DNAJC1: variants seen among roughly 807,000 people sequenced by gnomAD.
DNAJC1 encodes the protein DnaJ heat shock protein family (Hsp40) member C1.
Under a neutral mutation model 76.6 loss-of-function variants are expected in DNAJC1, and 58 were observed. That is an observed-to-expected ratio of 0.76 (90% CI 0.61 to 0.94). DNAJC1 has a LOEUF of 0.94. DNAJC1 is among the 40% of genes least tolerant of loss of function. The pLI is 0.00. For synonymous variants in DNAJC1, 258 were observed against 267.9 expected (o/e 0.96, Z 0.36); for missense variants, 689 against 677.3 (o/e 1.02, Z -0.19).
At chr10:21,903,914 A>C (rs913286309) in intron 7 of DNAJC1, among the ~76,000 whole-genome samples, 2 of 152,240 alleles carry the variant, frequency 1.3e-5, no homozygotes, top group Non-Finnish European at 1.5e-5. Context: ...GACACAGTAT[A>C]TATGTGTGGG....
chr10:21,874,236 T>C (rs1836148685), intron 8 of DNAJC1, among the ~76,000 whole-genome samples: 1 of 151,972 alleles, frequency 6.6e-6, no homozygotes, highest in Non-Finnish European at 1.5e-5. Context: ...GGCAACATAG[T>C]GAGATGCCGT....
intron 8 of DNAJC1, among the ~76,000 whole-genome samples, chr10:21,831,981 G>C (rs1043561953): frequency 1.3e-5 from 2 of 152,062 alleles, no homozygotes; most frequent in Admixed American, 6.6e-5. Context: ...TAGTCATCCT[G>C]TGATTTCCAG....
intron 8 of DNAJC1, among the ~76,000 whole-genome samples, chr10:21,866,651 T>C (rs1836006309): frequency 6.6e-6 from 1 of 152,012 alleles, no homozygotes; most frequent in East Asian, 1.9e-4. Flanking sequence ...CTAATAATAA[T>C]CAAAGGATTT....
chr10:21,812,297 T>C (rs1459660950), intron 8 of DNAJC1, among the ~76,000 whole-genome samples: 1 of 151,912 alleles, frequency 6.6e-6, no homozygotes, highest in Non-Finnish European at 1.5e-5. Flanking sequence ...GACCTCGTGA[T>C]CTGCCTGCCT....
intron 6 of DNAJC1, among the ~76,000 whole-genome samples, chr10:21,909,856 G>C (rs551977180): frequency 6.6e-6 from 1 of 152,318 alleles, no homozygotes; most frequent in South Asian, 2.1e-4. Context: ...TGAATGGTTA[G>C]GTAGACCAGA....
At chr10:21,957,366 T>C (rs1333783746) in intron 1 of DNAJC1, among the ~76,000 whole-genome samples, 2 of 152,224 alleles carry the variant, frequency 1.3e-5, no homozygotes, top group South Asian at 2.1e-4. Context: ...TTTTCCTCTA[T>C]TATCCTATTT....
rs976710434 is a variant in DNAJC1 at position 22,003,458 on chromosome 10, C to G, written c.-24G>C. On this transcript the variant is annotated 5_prime_UTR_variant, in exon 1 of 12. Coordinates refer to ENST00000376980, the MANE Select transcript of DNAJC1 (RefSeq NM_022365.4). ...ATCGCGCTGGGCTCGGAAAGGTCAC[C>G]CGCCGCGCAGCTCCGTTGGCCGAGA... 4 of 1,344,332 alleles carry G rather than the reference C, an allele frequency of 3.0e-6. No individual in the cohort carries two copies. The African/African-American group carries it at 6.2e-5, about 21-fold the overall frequency. 83.3% of individuals were successfully genotyped at this position (1,344,332 alleles called of 1,614,324 possible).
At chr10:21,862,388 G>A (rs1233356080) in intron 8 of DNAJC1, among the ~76,000 whole-genome samples, 3 of 151,416 alleles carry the variant, frequency 2.0e-5, no homozygotes, top group Non-Finnish European at 4.4e-5. Context: ...ACAGGAGGCA[G>A]TGTCAGAAAG....
intron 8 of DNAJC1, among the ~76,000 whole-genome samples, chr10:21,827,711 A>G (rs116118823): frequency 8.7e-4 from 133 of 152,320 alleles, no homozygotes; most frequent in African/African-American, 3.1e-3. Context: ...CTAATCTAGC[A>G]TGACCTAATC....
At chr10:21,816,587 C>G (rs1271005890) in intron 8 of DNAJC1, among the ~76,000 whole-genome samples, 1 of 148,938 alleles carries the variant, frequency 6.7e-6, no homozygotes, top group Non-Finnish European at 1.5e-5. Flanking sequence ...GCTCTGTCAC[C>G]CAGGCTGGAG....
chr10:21,929,861 G>A (rs1004614293), intron 1 of DNAJC1, among the ~76,000 whole-genome samples: 9 of 152,188 alleles, frequency 5.9e-5, no homozygotes, highest in Non-Finnish European at 2.9e-5. Context: ...CTTAGATTAA[G>A]TGGATATTAA....
At chr10:21,820,403 TA>T (rs1835139596) in intron 8 of DNAJC1, among the ~76,000 whole-genome samples, 1 of 152,262 alleles carries the variant, frequency 6.6e-6, no homozygotes, top group South Asian at 2.1e-4. Context: ...GGTTTCTATG[TA>T]GACGTATGTT....
intron 8 of DNAJC1, among the ~76,000 whole-genome samples, chr10:21,835,357 T>C (rs1254116549): frequency 1.3e-5 from 2 of 151,958 alleles, no homozygotes; most frequent in Non-Finnish European, 2.9e-5. Context: ...CAAAGGTAGA[T>C]AAAACCACAA....
chr10:21,839,146 C>G (rs937459987), intron 8 of DNAJC1, among the ~76,000 whole-genome samples: 1 of 152,130 alleles, frequency 6.6e-6, no homozygotes, highest in Non-Finnish European at 1.5e-5. Flanking sequence ...CAAGAGAAAG[C>G]AGGAAAGATC....
intron 1 of DNAJC1, among the ~76,000 whole-genome samples, chr10:21,995,065 G>GT (rs1292942286): frequency 1.3e-5 from 2 of 151,722 alleles, no homozygotes; most frequent in African/African-American, 4.8e-5. Flanking sequence ...GAAAAGTGTG[G>GT]TAATTGAAAA....
chr10:21,792,325 G>C (rs1040290189), intron 9 of DNAJC1, among the ~76,000 whole-genome samples: 2 of 152,184 alleles, frequency 1.3e-5, no homozygotes, highest in African/African-American at 4.8e-5. Context: ...CAAACTTTCA[G>C]AAATTAGGGG....
intron 8 of DNAJC1, among the ~76,000 whole-genome samples, chr10:21,867,986 T>A (rs1174507014): frequency 4.9e-5 from 7 of 142,628 alleles, no homozygotes; most frequent in African/African-American, 1.8e-4. Context: ...GGCAGGAGAA[T>A]TGCTTGAACC....
intron 1 of DNAJC1, among the ~76,000 whole-genome samples, chr10:21,943,033 A>C (rs997951222): frequency 7.2e-5 from 11 of 152,104 alleles, no homozygotes; most frequent in Non-Finnish European, 1.3e-4. Context: ...AAGTTAAAAA[A>C]ATTTTTTTTT....
At chr10:21,874,268 G>A (rs1272735521) in intron 8 of DNAJC1, among the ~76,000 whole-genome samples, 2 of 151,976 alleles carry the variant, frequency 1.3e-5, no homozygotes, top group African/African-American at 2.4e-5. Context: ...AAATAAATTA[G>A]CCAAGCTTGG....
Sources: gnomAD v4.1 joint callset for allele counts (sites outside exome capture counted in the v4.1 genomes callset) on GRCh38, gnomAD v4.1.1 for gene constraint, MANE v1.5 for transcripts, NCBI Gene and HGNC (gene_info 2026-07-23, HGNC 2026-07-21) for gene names.